The following DPP6 variants were observed in gnomAD, a reference collection of about 807,000 sequenced individuals.
The protein encoded by DPP6 is A-type potassium channel modulatory protein DPP6.
In DPP6, 69 loss-of-function variants were observed where a neutral mutation model predicts 122.6. The observed-to-expected ratio is 0.56, with a 90% CI of 0.46 to 0.69. The LOEUF is 0.69. Among genes scored for constraint, DPP6 ranks in the 30% least tolerant of loss-of-function variants. The pLI, the probability that DPP6 is intolerant of heterozygous loss-of-function variation, is 0.00. For missense variants in DPP6, 928 were observed against 1,116.9 expected, an observed-to-expected ratio of 0.83 and a Z score of 2.41; for synonymous variants, 418 against 433.1, an observed-to-expected ratio of 0.97 and a Z score of 0.43.
intron 1 of DPP6, among the ~76,000 whole-genome samples, chr7:154,125,839 C>T (rs1381918620): frequency 6.6e-6 from 1 of 152,174 alleles, no homozygotes; most frequent in African/African-American, 2.4e-5. Flanking sequence ...CTAGCAGAGC[C>T]CTCGGTTGCC....
chr7:154,875,161 G>C lies in DPP6; in HGVS notation c.1884-745G>C, dbSNP rs73487835. 0.015 allele frequency among the ~76,000 whole-genome samples: 2,239 copies of C among 152,092 alleles called. 59 individuals carry two copies. The highest frequency in any genetic ancestry group is 0.051 in the African/African-American group (2,108 of 41,506). ...AGAGAGAGAGAAGGAAAGAAGGAGG[G>C]GAGGGAGGGAGGAAGGGAGGGAACA... is the stretch of plus-strand genomic sequence containing the variant. On this transcript the variant is annotated intron_variant, in intron 19 of 25. Coordinates refer to ENST00000377770, the MANE Select transcript of DPP6 (RefSeq NM_130797.4). This position sits in a 1 kb window ranked among gnomAD's most constrained non-coding sequence, Gnocchi z 4.5.
At chr7:154,320,307 G>T (rs1028918232) in intron 1 of DPP6, among the ~76,000 whole-genome samples, 1 of 152,004 alleles carries the variant, frequency 6.6e-6, no homozygotes, top group Non-Finnish European at 1.5e-5. Context: ...AAGGACTCTG[G>T]TGTCCAGAAG....
In DPP6 at chr7:154,499,325, C is replaced by A. The variant is rs113311647; in HGVS notation, c.457+24288C>A. Among the ~76,000 whole-genome samples the A allele has an allele frequency of 3.9e-5, 6 of 152,158 alleles. 1 individual carries two copies. The highest frequency in any genetic ancestry group is 5.9e-5 in the Non-Finnish European group (4 of 68,024). Reference sequence around the variant, plus strand: ...AGCATGGCCATTCTAGCACTGCCCCCCTGCCTTCTAGGAGCACAGAGTGTC... The same window carrying A: ...AGCATGGCCATTCTAGCACTGCCCCACTGCCTTCTAGGAGCACAGAGTGTC... On this transcript the variant is annotated intron_variant, in intron 3 of 25. Coordinates refer to ENST00000377770, the MANE Select transcript of DPP6 (RefSeq NM_130797.4).
At chr7:154,616,852 C>T (rs1834294980) in intron 5 of DPP6, among the ~76,000 whole-genome samples, 1 of 152,186 alleles carries the variant, frequency 6.6e-6, no homozygotes, top group South Asian at 2.1e-4. Context: ...CAGATGCCTA[C>T]ATCTTCAAAT....
chr7:154,883,227 A>AC (rs1167903741), intron 21 of DPP6, among the ~76,000 whole-genome samples: 6 of 128,374 alleles, frequency 4.7e-5, no homozygotes, highest in East Asian at 2.3e-4. Flanking sequence ...TCACCCACAC[A>AC]ATGCTCACAC....
chr7:154,051,686 A>G (rs1486772456), upstream of DPP6, among the ~76,000 whole-genome samples: 4 of 150,572 alleles, frequency 2.7e-5, no homozygotes, highest in African/African-American at 9.8e-5. Flanking sequence ...CGTTCATGAT[A>G]ATGAGAATGG....
chr7:154,223,605 A>C (rs1177609428), intron 1 of DPP6, among the ~76,000 whole-genome samples: 2 of 149,262 alleles, frequency 1.3e-5, no homozygotes, highest in Non-Finnish European at 2.9e-5. Context: ...AAGATGAAGA[A>C]TGGTGAAAAG....
intron 1 of DPP6, among the ~76,000 whole-genome samples, chr7:154,178,527 AAAC>A (rs1488421723): frequency 1.3e-5 from 2 of 151,996 alleles, no homozygotes; most frequent in Non-Finnish European, 2.9e-5. Context: ...GAAAAAAAAA[AAAC>A]AATTCTAGTT....
the DPP6 span, among the ~76,000 whole-genome samples, chr7:153,757,872 T>C: frequency 6.6e-6 from 1 of 152,140 alleles, no homozygotes. Flanking sequence ...GGCAGGAGAA[T>C]CGCTTGAACC....
intron 1 of DPP6, among the ~76,000 whole-genome samples, chr7:154,263,919 G>A (rs920166614): frequency 2.6e-5 from 4 of 151,962 alleles, no homozygotes; most frequent in African/African-American, 7.3e-5. Context: ...TTGAACTCCC[G>A]ACCTCAGGTA....
At chr7:154,851,099 A>T (rs2150573204) in intron 16 of DPP6, among the ~76,000 whole-genome samples, 1 of 152,336 alleles carries the variant, frequency 6.6e-6, no homozygotes, top group African/African-American at 2.4e-5. Context: ...GATAAAATAG[A>T]TCACTGTTAC....
intron 1 of DPP6, among the ~76,000 whole-genome samples, chr7:154,129,752 T>C (rs1235956158): frequency 2.0e-5 from 3 of 151,700 alleles, no homozygotes; most frequent in Non-Finnish European, 2.9e-5. Flanking sequence ...ACAAAACAAT[T>C]AGCCAGGCGT....
At chr7:154,260,370 G>C in intron 1 of DPP6, among the ~76,000 whole-genome samples, 1 of 152,198 alleles carries the variant, frequency 6.6e-6, no homozygotes, top group East Asian at 1.9e-4. Flanking sequence ...GTGGTTATTC[G>C]TGGGATTTTG....
intron 1 of DPP6, among the ~76,000 whole-genome samples, chr7:154,180,249 G>T (rs1321635948): frequency 1.2e-4 from 18 of 151,748 alleles, no homozygotes; most frequent in Non-Finnish European, 5.9e-5. Flanking sequence ...TCGGGAGGCT[G>T]AGGCATAAGA....
At chr7:154,202,074 T>A (rs1799203989) in intron 1 of DPP6, among the ~76,000 whole-genome samples, 1 of 152,110 alleles carries the variant, frequency 6.6e-6, no homozygotes, top group Admixed American at 6.5e-5. Context: ...TTGGAGTGAG[T>A]TTTGGGAATT....
Position 154,481,207 on chromosome 7 carries a change from C to T in DPP6, c.457+6170C>T, listed in dbSNP as rs1823244259. The stretch of plus-strand genomic sequence containing the variant: ...TTAAAAGTCTGAATTCCTCAAGTTT[C>T]TCACTTATCCTCACTTTGTACTCCC... On this transcript the variant is annotated intron_variant, in intron 3 of 25. Coordinates refer to ENST00000377770, the MANE Select transcript of DPP6 (RefSeq NM_130797.4). The surrounding 1 kb of genome is among the most constrained non-coding windows in gnomAD (Gnocchi z 4.2). Among the ~76,000 whole-genome samples the T allele has an allele frequency of 6.6e-6, 1 of 152,158 alleles. No individual in the cohort carries two copies. The highest frequency in any genetic ancestry group is 2.4e-5 in the African/African-American group (1 of 41,426).
chr7:154,401,907 A>G (rs1001862878), intron 1 of DPP6, among the ~76,000 whole-genome samples: 3 of 152,184 alleles, frequency 2.0e-5, no homozygotes, highest in Non-Finnish European at 4.4e-5. Flanking sequence ...ACAAGAAAAA[A>G]ACAAACAACC....
At chr7:154,658,172 G>T (rs984701691) in intron 6 of DPP6, among the ~76,000 whole-genome samples, 5 of 152,212 alleles carry the variant, frequency 3.3e-5, no homozygotes, top group African/African-American at 1.2e-4. Flanking sequence ...CCTAATGTCA[G>T]CTGTGGGACT....
the DPP6 span, among the ~76,000 whole-genome samples, chr7:153,798,735 G>A: frequency 6.6e-6 from 1 of 152,166 alleles, no homozygotes; most frequent in Non-Finnish European, 1.5e-5. Context: ...TAAAATGAAA[G>A]AATTATACAA....
Sources: allele counts gnomAD v4.1 joint callset (sites outside exome capture counted in the v4.1 genomes callset), GRCh38; gene constraint gnomAD v4.1.1; non-coding constraint Gnocchi (gnomAD v3.1); transcripts MANE v1.5; gene names NCBI Gene and HGNC (gene_info 2026-07-23, HGNC 2026-07-21).